The following WFDC1 variants were observed in gnomAD, a reference collection of about 807,000 sequenced individuals.
WFDC1 encodes the protein WAP four-disulfide core domain 1.
In WFDC1, 39 loss-of-function variants were observed where a neutral mutation model predicts 32.9. That is an observed-to-expected ratio of 1.19 (90% CI 0.92 to 1.55). The LOEUF is 1.55. Ranked by LOEUF, WFDC1 falls within the 40% of genes most tolerant of loss-of-function variation. WFDC1 has a pLI of 0.00. For missense variants in WFDC1, 386 were observed against 309.5 expected (o/e 1.25, Z -1.85); for synonymous variants, 184 against 137.4 (o/e 1.34, Z -2.37).
chr16:84,299,131 CA>C (rs1906781458), intron 1 of WFDC1, among the ~76,000 whole-genome samples: 1 of 152,040 alleles, frequency 6.6e-6, no homozygotes, highest in South Asian at 2.1e-4. Context: ...GAGGCCAAGG[CA>C]GGCAGATCTC....
In WFDC1 at chr16:84,306,004, A is replaced by AAATAATAAT. The variant is rs141595518; in HGVS notation, c.145-6921_145-6913dup. On this transcript the variant is annotated intron_variant, in intron 1 of 6. Transcript: ENST00000219454. ...GGTGACAGAGTGAGACCTTTTCTCA[A>AAATAATAAT]AATAATAATAATAATAATAATAATA... Among the ~76,000 whole-genome samples the AAATAATAAT allele has an allele frequency of 7.5e-3, 1,083 of 144,526 alleles. 8 individuals carry two copies. The highest frequency in any genetic ancestry group is 0.013 in the East Asian group (61 of 4,862). The allele number at this position is 144,526 out of a possible 152,430, so 94.8% of individuals were successfully genotyped here. A position where few individuals can be genotyped will look rare whatever the true frequency, so the allele number is the denominator to read the frequency against.
At chr16:84,304,290 T>C (rs928263594) in intron 1 of WFDC1, among the ~76,000 whole-genome samples, 1 of 151,976 alleles carries the variant, frequency 6.6e-6, no homozygotes, top group Admixed American at 6.6e-5. Flanking sequence ...ATTGCAGTGG[T>C]GCCGTCTGGC....
intron 1 of WFDC1, among the ~76,000 whole-genome samples, chr16:84,307,462 G>A (rs946578539): frequency 1.3e-5 from 2 of 152,134 alleles, no homozygotes; most frequent in African/African-American, 4.8e-5. Context: ...TGGCTTCTAA[G>A]GCGCTTATCT....
chr16:84,299,379 C>G (rs894692045), intron 1 of WFDC1, among the ~76,000 whole-genome samples: 1 of 146,476 alleles, frequency 6.8e-6, no homozygotes, highest in South Asian at 2.1e-4. Context: ...AAACAAAAAA[C>G]AAAAAGCAAA....
intron 1 of WFDC1, among the ~76,000 whole-genome samples, chr16:84,307,075 G>T (rs1907308089): frequency 6.6e-6 from 1 of 152,140 alleles, no homozygotes; most frequent in South Asian, 2.1e-4. Flanking sequence ...CAGTGCAAAG[G>T]CCCAGAGGTG....
At chr16:84,314,693 G>A (rs763742426) in intron 2 of WFDC1, among the ~76,000 whole-genome samples, 8 of 152,206 alleles carry the variant, frequency 5.3e-5, no homozygotes, top group South Asian at 2.1e-4. Flanking sequence ...GGAACTGGCC[G>A]CTGCTCCAGG....
intron 1 of WFDC1, among the ~76,000 whole-genome samples, chr16:84,305,311 G>C (rs1907185990): frequency 1.3e-5 from 2 of 152,226 alleles, no homozygotes; most frequent in South Asian, 4.1e-4. Context: ...GGACAGCAGT[G>C]GTACCTACTG....
chr16:84,313,170 AG>A lies in WFDC1; in HGVS notation c.337+20del. ...CCCCGCCAGGTAGGTCCTGGGCCCG[AG>A]GGAGGGGGCTGAGGGAGGAGGACAG... On this transcript the variant is annotated intron_variant, in intron 2 of 6. Coordinates refer to ENST00000219454, the MANE Select transcript of WFDC1 (RefSeq NM_021197.4). The A allele has an allele frequency of 7.1e-7, 1 of 1,404,804 alleles. No individual in the cohort carries two copies. 87.0% of individuals were successfully genotyped at this position (1,404,804 alleles called of 1,614,324 possible).
At chr16:84,313,985 T>C (rs1475610892) in intron 2 of WFDC1, among the ~76,000 whole-genome samples, 1 of 151,692 alleles carries the variant, frequency 6.6e-6, no homozygotes, top group East Asian at 1.9e-4. Flanking sequence ...GAGCTTGCAG[T>C]GAGCCAAGGT....
In WFDC1 at chr16:84,311,394, T is replaced by C. The variant is rs1907611604; in HGVS notation, c.145-1567T>C. ...CACCACGCCCGGCTAATTTTTTTTC[T>C]TTTTTTTGTATTTTTAGTAGAGACG... On this transcript the variant is annotated intron_variant, in intron 1 of 6. Coordinates refer to ENST00000219454, the MANE Select transcript of WFDC1 (RefSeq NM_021197.4). Among the ~76,000 whole-genome samples, 3 of 81,412 alleles carry C rather than the reference T, an allele frequency of 3.7e-5. 1 individual carries two copies. In the South Asian group the frequency reaches 1.1e-3, roughly 29 times the overall value. The allele number at this position is 81,412 out of a possible 152,430, so 53.4% of individuals were successfully genotyped here.
intron 1 of WFDC1, among the ~76,000 whole-genome samples, chr16:84,302,746 G>T (rs1480998171): frequency 1.3e-5 from 2 of 152,198 alleles, no homozygotes; most frequent in African/African-American, 2.4e-5. Flanking sequence ...GCTGTTGTGT[G>T]TGGTGTCTCT....
At chr16:84,314,353 C>G (rs888329693) in intron 2 of WFDC1, among the ~76,000 whole-genome samples, 2 of 152,100 alleles carry the variant, frequency 1.3e-5, no homozygotes. Flanking sequence ...AAAATGTGCC[C>G]CTAAGCGGGT....
chr16:84,318,324 G>A lies in WFDC1; in HGVS notation c.390G>A (p.Trp130Ter), dbSNP rs1323284055. The A allele has an allele frequency of 6.2e-7, 1 of 1,614,122 alleles. No individual in the cohort carries two copies. The highest frequency in any genetic ancestry group is 8.5e-7 in the Non-Finnish European group (1 of 1,179,984). ...PKPRWLGGNG[W>*]LLDGPEEVLQ... ...CTCGATGGCTTGGTGGCAATGGCTG[G>A]CTCCTGGATGGCCCTGAGGAGGTGT... is the stretch of plus-strand genomic sequence containing the variant. Residue 130 changes from tryptophan to a stop codon, truncating the protein, a stop_gained, in exon 3 of 7, where the codon TGG (tryptophan) becomes TGA (stop). Coordinates refer to ENST00000219454, the MANE Select transcript of WFDC1 (RefSeq NM_021197.4). LOFTEE classifies it high-confidence loss of function.
chr16:84,314,946 T>A (rs1907862393), intron 2 of WFDC1, among the ~76,000 whole-genome samples: 2 of 152,250 alleles, frequency 1.3e-5, no homozygotes, highest in Non-Finnish European at 2.9e-5. Flanking sequence ...TCATCTCGTT[T>A]CACGCTCACA....
intron 1 of WFDC1, among the ~76,000 whole-genome samples, chr16:84,301,168 C>T (rs1906909209): frequency 6.6e-6 from 1 of 152,138 alleles, no homozygotes; most frequent in African/African-American, 2.4e-5. Context: ...TTAGAGCCTC[C>T]ACAAAGGAAC....
intron 1 of WFDC1, among the ~76,000 whole-genome samples, chr16:84,311,301 A>G (rs1227676628): frequency 1.3e-5 from 2 of 150,920 alleles, no homozygotes; most frequent in African/African-American, 2.4e-5. Context: ...CTGGAGTGCA[A>G]TGGCTCGATC....
chr16:84,302,736 G>A (rs1481682367), intron 1 of WFDC1, among the ~76,000 whole-genome samples: 2 of 152,304 alleles, frequency 1.3e-5, no homozygotes, highest in African/African-American at 2.4e-5. Flanking sequence ...TTATCTGTGT[G>A]CTGTTGTGTG....
At position 84,326,945 on chromosome 16, in the gene WFDC1, A is replaced by G. The variant is rs998429317; in HGVS notation, c.*5A>G. On this transcript the variant is annotated 3_prime_UTR_variant, in exon 6 of 7. Transcript: ENST00000219454. ...CAACAGAAGCACTTTCAGTAAAGCA[A>G]CGGCAAGCAGGTGAGTGGGCAGAGA... is the stretch of plus-strand genomic sequence containing the variant. The G allele has an allele frequency of 1.9e-6, 3 of 1,614,020 alleles. No homozygotes were observed. The African/African-American group carries it at 4.0e-5, about 22-fold the overall frequency.
chr16:84,325,449 C>T (rs560252042), intron 5 of WFDC1, among the ~76,000 whole-genome samples: 30 of 152,072 alleles, frequency 2.0e-4, no homozygotes, highest in South Asian at 1.5e-3. Flanking sequence ...GTGATCTGCC[C>T]GCCTCGGCCT....
Sources: allele counts gnomAD v4.1 joint callset (sites outside exome capture counted in the v4.1 genomes callset), GRCh38; gene constraint gnomAD v4.1.1; transcripts MANE v1.5; gene names NCBI Gene and HGNC (gene_info 2026-07-23, HGNC 2026-07-21).